Variants in PCDH11X observed in about 807,000 individuals in gnomAD.
The protein encoded by PCDH11X is protocadherin 11 X-linked, also known as protocadherin-11 X-linked.
In PCDH11X, 18 loss-of-function variants were observed where a neutral mutation model predicts 53.3. The ratio of observed to expected loss-of-function variants is 0.34; its 90% CI spans 0.23 to 0.50. The LOEUF is 0.50. Ranked by LOEUF, PCDH11X falls within the 20% of genes least tolerant of loss-of-function variation. The pLI, the probability that PCDH11X is intolerant of heterozygous loss-of-function variation, is 0.98. For missense variants in PCDH11X, 570 were observed against 1,032.4 expected (o/e 0.55, Z 6.14); for synonymous variants, 279 against 393.3 (o/e 0.71, Z 3.44).
intron 6 of PCDH11X, among the ~76,000 whole-genome samples, chrX:92,047,525 T>C: frequency 9.7e-6 from 1 of 103,394 alleles, no homozygotes; most frequent in Middle Eastern, 4.9e-3. Flanking sequence ...ATTTAAACTT[T>C]AGGATGTGAT....
chrX:92,007,388 A>T (rs940485486), intron 6 of PCDH11X, among the ~76,000 whole-genome samples: 4 of 111,477 alleles, frequency 3.6e-5, no homozygotes, highest in African/African-American at 1.3e-4. Flanking sequence ...CATAGCCACC[A>T]CCACCTCAGG....
chrX:92,034,354 C>G (rs1275767260), intron 6 of PCDH11X, among the ~76,000 whole-genome samples: 1 of 109,824 alleles, frequency 9.1e-6, no homozygotes, highest in Non-Finnish European at 1.9e-5. Context: ...AAGTCTCCAG[C>G]TATTATTGTG....
At chrX:92,158,243 A>G (rs1044239428) in intron 6 of PCDH11X, among the ~76,000 whole-genome samples, 1 of 111,362 alleles carries the variant, frequency 9.0e-6, no homozygotes, top group Non-Finnish European at 1.9e-5. Flanking sequence ...AAAATCAAGA[A>G]TACTTTTAAT....
chrX:92,512,511 T>G (rs2074181273), intron 10 of PCDH11X, among the ~76,000 whole-genome samples: 1 of 111,049 alleles, frequency 9.0e-6, no homozygotes, highest in Non-Finnish European at 1.9e-5. Flanking sequence ...TTGAGATGAG[T>G]TTCTCCTAAG....
At chrX:92,068,729 G>A (rs1307804539) in intron 6 of PCDH11X, among the ~76,000 whole-genome samples, 43 of 109,378 alleles carry the variant, frequency 3.9e-4, no homozygotes, top group African/African-American at 1.3e-3. Flanking sequence ...TAGTAGAGAC[G>A]GGGTTTTACC....
At chrX:92,394,860 A>T (rs771061767) in intron 9 of PCDH11X, among the ~76,000 whole-genome samples, 53 of 111,816 alleles carry the variant, frequency 4.7e-4, no homozygotes, top group African/African-American at 1.7e-3. Flanking sequence ...AAAATTGTAC[A>T]ATAACTTGCA....
chrX:91,840,261 A>C (rs1029914761), intron 5 of PCDH11X, among the ~76,000 whole-genome samples: 8 of 111,694 alleles, frequency 7.2e-5, no homozygotes, highest in Admixed American at 1.9e-4. Flanking sequence ...CAACAGTCAC[A>C]TTTCTGTACT....
At chrX:92,067,981 T>C (rs2063640952) in intron 6 of PCDH11X, among the ~76,000 whole-genome samples, 1 of 110,152 alleles carries the variant, frequency 9.1e-6, no homozygotes, top group South Asian at 3.8e-4. Context: ...GATGATTCTT[T>C]GAATTTGTGG....
chrX:92,047,647 T>C (rs2759834), intron 6 of PCDH11X, among the ~76,000 whole-genome samples: 19 of 111,321 alleles, frequency 1.7e-4, no homozygotes, highest in African/African-American at 5.9e-4. Context: ...GCATTTTCTA[T>C]TTTTTGTTGT....
At chrX:91,881,021 T>C (rs1018962390) in intron 6 of PCDH11X, among the ~76,000 whole-genome samples, 1 of 111,475 alleles carries the variant, frequency 9.0e-6, no homozygotes, top group Non-Finnish European at 1.9e-5. Context: ...GAATTACATA[T>C]GTAGATCATC....
chrX:92,123,986 C>T (rs1019143637), intron 6 of PCDH11X, among the ~76,000 whole-genome samples: 3 of 110,905 alleles, frequency 2.7e-5, no homozygotes, highest in Non-Finnish European at 5.7e-5. Context: ...GAAGTGCTGT[C>T]TTGCCTCTGT....
chrX:92,587,892 A>G (rs1414825558), intron 10 of PCDH11X, among the ~76,000 whole-genome samples: 2 of 111,168 alleles, frequency 1.8e-5, no homozygotes, highest in Admixed American at 1.9e-4. Flanking sequence ...CCTTTTCATC[A>G]TGATAAAATG....
At chrX:92,163,303 C>G in intron 6 of PCDH11X, among the ~76,000 whole-genome samples, 1 of 109,587 alleles carries the variant, frequency 9.1e-6, no homozygotes, top group Non-Finnish European at 1.9e-5. Context: ...CGCCTCCCCA[C>G]CTGTCGATTC....
At chrX:92,485,826 T>C (rs185523930) in intron 10 of PCDH11X, among the ~76,000 whole-genome samples, 1 of 111,438 alleles carries the variant, frequency 9.0e-6, no homozygotes, top group East Asian at 2.8e-4. Flanking sequence ...TGCCAAAGAT[T>C]CAGCCAAGAG....
intron 8 of PCDH11X, among the ~76,000 whole-genome samples, chrX:92,385,698 G>C (rs1326884588): frequency 1.8e-5 from 2 of 110,880 alleles, no homozygotes; most frequent in East Asian, 5.7e-4. Context: ...AGCTTGGCGT[G>C]GTGGTGTGCA....
chrX:92,226,081 C>CCCTT (rs1278129274), intron 7 of PCDH11X, among the ~76,000 whole-genome samples: 18 of 111,649 alleles, frequency 1.6e-4, no homozygotes, highest in African/African-American at 5.5e-4. Flanking sequence ...ACAATTTGTA[C>CCCTT]CCTTATGTAG....
intron 6 of PCDH11X, among the ~76,000 whole-genome samples, chrX:92,161,581 G>A (rs1188703408): frequency 3.7e-5 from 4 of 109,316 alleles, no homozygotes; most frequent in African/African-American, 1.3e-4. Flanking sequence ...GGCCGGGGAA[G>A]TTTTCCTCAA....
At chrX:92,157,730 C>T (rs1378455606) in intron 6 of PCDH11X, among the ~76,000 whole-genome samples, 3 of 111,836 alleles carry the variant, frequency 2.7e-5, no homozygotes, top group Non-Finnish European at 5.6e-5. Context: ...AATTTAAACA[C>T]ATTTTATTCT....
intron 7 of PCDH11X, among the ~76,000 whole-genome samples, chrX:92,228,344 T>C (rs1234928771): frequency 9.0e-6 from 1 of 111,721 alleles, no homozygotes; most frequent in Non-Finnish European, 1.9e-5. Flanking sequence ...AGAAAATGAG[T>C]GCCTAAGTCT....
Sources: gnomAD v4.1 joint callset for allele counts (sites outside exome capture counted in the v4.1 genomes callset) on GRCh38, gnomAD v4.1.1 for gene constraint, MANE v1.5 for transcripts, NCBI Gene and HGNC (gene_info 2026-07-23, HGNC 2026-07-21) for gene names.